The following SYN3 variants were observed in gnomAD, a reference collection of about 807,000 sequenced individuals.
The protein encoded by SYN3 is synapsin III, also known as synapsin-3.
A neutral mutation model predicts 65.8 loss-of-function variants in SYN3; 35 were observed. The ratio of observed to expected loss-of-function variants is 0.53; its 90% CI spans 0.41 to 0.70. SYN3 has a LOEUF of 0.70. SYN3 is among the 30% of genes least tolerant of loss of function. The pLI, the probability that SYN3 is intolerant of heterozygous loss-of-function variation, is 0.00. For missense variants in SYN3, 680 were observed against 749.0 expected (o/e 0.91, Z 1.08); for synonymous variants, 270 against 292.9 (o/e 0.92, Z 0.80).
intron 6 of SYN3, among the ~76,000 whole-genome samples, chr22:32,658,581 C>T (rs1052619870): frequency 2.0e-5 from 3 of 152,234 alleles, no homozygotes; most frequent in East Asian, 1.9e-4. Flanking sequence ...ACTGTGGAGT[C>T]GCCCATCCCA....
chr22:32,878,001 CG>C (rs931552962), intron 4 of SYN3, among the ~76,000 whole-genome samples: 1 of 152,102 alleles, frequency 6.6e-6, no homozygotes, highest in African/African-American at 2.4e-5. Flanking sequence ...AAGGTAGATA[CG>C]ATAATAATAG....
At chr22:32,825,023 C>A (rs552350262) in intron 6 of SYN3, among the ~76,000 whole-genome samples, 13 of 152,294 alleles carry the variant, frequency 8.5e-5, no homozygotes, top group South Asian at 2.1e-4. Context: ...GACCCTGGAA[C>A]TTTGAAATCG....
At chr22:32,613,128 C>T (rs1339236583) in intron 6 of SYN3, among the ~76,000 whole-genome samples, 1 of 151,958 alleles carries the variant, frequency 6.6e-6, no homozygotes, top group Non-Finnish European at 1.5e-5. Flanking sequence ...CTGAGGCCTC[C>T]CCAGCCATGC....
intron 3 of SYN3, among the ~76,000 whole-genome samples, chr22:32,961,585 G>T (rs1007139269): frequency 6.6e-6 from 1 of 152,188 alleles, no homozygotes. Context: ...AAGTAGCCTC[G>T]TAGCAACCCC....
At chr22:32,944,723 G>A (rs1272142872) in intron 3 of SYN3, among the ~76,000 whole-genome samples, 3 of 152,136 alleles carry the variant, frequency 2.0e-5, no homozygotes, top group Admixed American at 2.0e-4. Context: ...GAAATAAAGG[G>A]CATTCAATTA....
chr22:32,949,638 G>A (rs1413731518), intron 3 of SYN3, among the ~76,000 whole-genome samples: 1 of 152,070 alleles, frequency 6.6e-6, no homozygotes, highest in African/African-American at 2.4e-5. Context: ...ACCGGCACTG[G>A]CACCTGACAA....
chr22:32,863,540 A>G (rs913468313), intron 6 of SYN3, among the ~76,000 whole-genome samples: 2 of 151,588 alleles, frequency 1.3e-5, no homozygotes, highest in Non-Finnish European at 2.9e-5. Flanking sequence ...GCTTATAACA[A>G]CCTCCTTTCA....
At chr22:32,721,695 A>G (rs1394661755) in intron 6 of SYN3, among the ~76,000 whole-genome samples, 1 of 152,244 alleles carries the variant, frequency 6.6e-6, no homozygotes, top group Non-Finnish European at 1.5e-5. Context: ...CTGTGAAAAC[A>G]TGCACTTTTC....
At chr22:32,708,207 C>T (rs958872668) in intron 6 of SYN3, among the ~76,000 whole-genome samples, 3 of 152,212 alleles carry the variant, frequency 2.0e-5, no homozygotes, top group Admixed American at 1.3e-4. Flanking sequence ...GGGGCTGTCA[C>T]GGCAGTCTAC....
At chr22:32,529,479 G>C (rs1014081003) in intron 10 of SYN3, among the ~76,000 whole-genome samples, 6 of 152,188 alleles carry the variant, frequency 3.9e-5, no homozygotes, top group African/African-American at 1.4e-4. Flanking sequence ...AGAGGAAAGA[G>C]GGAAGAGGAA....
chr22:32,906,987 T>C (rs370447285), intron 4 of SYN3, among the ~76,000 whole-genome samples: 1 of 152,210 alleles, frequency 6.6e-6, no homozygotes, highest in Non-Finnish European at 1.5e-5. Context: ...TGTGTCTTTA[T>C]AATAGAATGA....
rs769669867 is a variant in SYN3 at position 32,552,538 on chromosome 22, T to A, written c.775-10825A>T. On this transcript the variant is annotated intron_variant, in intron 7 of 13. Transcript: ENST00000358763. ...CTTTTAGGTTAAAAACAAGCAGGAC[T>A]AAAGGAGAAAAACAAAGATGAGGAC... is the stretch of plus-strand genomic sequence containing the variant. Among the ~76,000 whole-genome samples, 5 of 151,930 alleles carry A rather than the reference T, an allele frequency of 3.3e-5. No homozygotes were observed. In the South Asian group the frequency reaches 1.0e-3, roughly 32 times the overall value.
At chr22:32,840,006 G>A (rs190542462) in intron 6 of SYN3, among the ~76,000 whole-genome samples, 4 of 152,016 alleles carry the variant, frequency 2.6e-5, no homozygotes, top group Admixed American at 1.3e-4. Flanking sequence ...CCCCTTCCCC[G>A]GGAGGTCCAG....
chr22:32,555,430 C>T (rs1196153024), intron 7 of SYN3, among the ~76,000 whole-genome samples: 1 of 152,200 alleles, frequency 6.6e-6, no homozygotes, highest in Non-Finnish European at 1.5e-5. Flanking sequence ...ACATTTAAGG[C>T]AACCATGACC....
At chr22:32,690,102 G>A (rs1425732919) in intron 6 of SYN3, among the ~76,000 whole-genome samples, 3 of 152,160 alleles carry the variant, frequency 2.0e-5, no homozygotes, top group African/African-American at 7.2e-5. Context: ...CTTAAACCTG[G>A]GAGGTGGAGG....
At chr22:32,537,370 G>A (rs1006246172) in intron 9 of SYN3, among the ~76,000 whole-genome samples, 1 of 152,096 alleles carries the variant, frequency 6.6e-6, no homozygotes, top group Non-Finnish European at 1.5e-5. Flanking sequence ...TGTTGGCCAG[G>A]CTGGTCTTGA....
intron 6 of SYN3, among the ~76,000 whole-genome samples, chr22:32,790,615 C>T (rs1002088553): frequency 2.6e-5 from 4 of 151,914 alleles, no homozygotes; most frequent in South Asian, 2.1e-4. Flanking sequence ...TTAGTAGAGA[C>T]GGGGTTTCGC....
chr22:32,675,086 A>G (rs1033217348), intron 6 of SYN3, among the ~76,000 whole-genome samples: 2 of 152,182 alleles, frequency 1.3e-5, no homozygotes, highest in African/African-American at 4.8e-5. Context: ...TGTTTCATGG[A>G]AGAAACAAAT....
chr22:32,785,718 A>G (rs913743727), intron 6 of SYN3, among the ~76,000 whole-genome samples: 2 of 152,140 alleles, frequency 1.3e-5, no homozygotes, highest in Non-Finnish European at 2.9e-5. Context: ...ACATCCCACA[A>G]GTTACTCTGT....
Sources: gnomAD v4.1 joint callset for allele counts (sites outside exome capture counted in the v4.1 genomes callset) on GRCh38, gnomAD v4.1.1 for gene constraint, MANE v1.5 for transcripts, NCBI Gene and HGNC (gene_info 2026-07-23, HGNC 2026-07-21) for gene names.